The following MTAP variants were observed in gnomAD, a reference collection of about 807,000 sequenced individuals.
MTAP encodes the protein methylthioadenosine phosphorylase, also known as S-methyl-5'-thioadenosine phosphorylase.
MTAP carries 33 observed loss-of-function variants against 33.6 expected under a neutral mutation model. The ratio of observed to expected loss-of-function variants is 0.98; its 90% CI spans 0.74 to 1.31. The LOEUF is 1.31. MTAP is among the 40% of genes most tolerant of loss of function. The pLI is 0.00. For missense variants in MTAP, 367 were observed against 360.0 expected, an observed-to-expected ratio of 1.02 and a Z score of -0.16; for synonymous variants, 148 against 125.7, an observed-to-expected ratio of 1.18 and a Z score of -1.19.
At chr9:21,807,731 A>T (rs1010567699) in intron 1 of MTAP, among the ~76,000 whole-genome samples, 1 of 152,204 alleles carries the variant, frequency 6.6e-6, no homozygotes, top group African/African-American at 2.4e-5. Flanking sequence ...GCAGAGTAAA[A>T]GGAGGAAATA....
At chr9:21,810,268 C>A (rs762655645) in intron 1 of MTAP, among the ~76,000 whole-genome samples, 3 of 152,154 alleles carry the variant, frequency 2.0e-5, no homozygotes, top group Admixed American at 6.5e-5. Flanking sequence ...AGGGTCTTCC[C>A]TCTGTATGTG....
Position 21,803,088 on chromosome 9 carries a change from TAGAG to T in MTAP, c.33+314_33+317del, listed in dbSNP as rs567098705. 9.7e-5 allele frequency: 61 copies of T among 630,264 alleles called. No homozygotes were observed. The South Asian group carries it at 1.5e-3, about 16-fold the overall frequency. 39.0% of individuals were successfully genotyped at this position (630,264 alleles called of 1,614,324 possible). A position where few individuals can be genotyped will look rare whatever the true frequency, so the allele number is the denominator to read the frequency against. On this transcript the variant is annotated intron_variant, in intron 1 of 7. Transcript: ENST00000644715. ...ACCCTGTAGGGCGTAGGCACCCCTT[TAGAG>T]AGAGAGGTCGTGGATGGGAGAGGCT...
chr9:21,853,871 G>A (rs1825572854), intron 5 of MTAP, among the ~76,000 whole-genome samples: 1 of 152,082 alleles, frequency 6.6e-6, no homozygotes, highest in Non-Finnish European at 1.5e-5. Context: ...AAGTTGAAAA[G>A]ACTTTTTTTT....
intron 5 of MTAP, among the ~76,000 whole-genome samples, chr9:21,839,178 T>G (rs1397527283): frequency 2.6e-5 from 4 of 151,874 alleles, no homozygotes; most frequent in Non-Finnish European, 4.4e-5. Context: ...ACTTGGTTTT[T>G]TTTTTTTTTT....
intron 1 of MTAP, among the ~76,000 whole-genome samples, chr9:21,910,693 G>C (rs569339984): frequency 2.6e-5 from 4 of 152,160 alleles, no homozygotes; most frequent in Non-Finnish European, 4.4e-5. Context: ...TAATAGCAGT[G>C]ATATAATTCA....
rs540813749 is a variant in MTAP, at chr9:21,818,168, G to A, written c.313G>A (p.Gly105Ser). The A allele has an allele frequency of 5.0e-6, 8 of 1,613,886 alleles. No individual in the cohort carries two copies. The highest frequency in any genetic ancestry group is 1.1e-5 in the South Asian group (1 of 91,034). The change falls in exon 4 of 8, where the codon GGC becomes AGC. Residue 105 changes from glycine (G) to serine (S), a missense_variant. By Grantham distance (56) the Gly-to-Ser change is moderately conservative. Coordinates refer to ENST00000644715, the MANE Select transcript of MTAP (RefSeq NM_002451.4). ...CTCCTTGAGGGAGGAGATTCAGCCC[G>A]GCGATATTGTCATTATTGATCAGTT... Reference protein sequence around the residue: ...CGSLREEIQPGDIVIIDQFID... With the variant: ...CGSLREEIQPSDIVIIDQFID...
intron 4 of MTAP, 105 bp downstream of exon 4, chr9:21,818,307 G>A: frequency 2.6e-6 from 1 of 384,616 alleles, no homozygotes; most frequent in Non-Finnish European, 4.8e-6. Flanking sequence ...CAGTGCCACA[G>A]ACTCGCTTGC....
chr9:21,907,726 C>T (rs547701547), intron 1 of MTAP, among the ~76,000 whole-genome samples: 1 of 151,588 alleles, frequency 6.6e-6, no homozygotes, highest in African/African-American at 2.4e-5. Flanking sequence ...ATCTGAAAGA[C>T]ATATATAAGT....
intron 4 of MTAP, among the ~76,000 whole-genome samples, chr9:21,819,000 A>C (rs1219750104): frequency 6.6e-6 from 1 of 152,180 alleles, no homozygotes; most frequent in Non-Finnish European, 1.5e-5. Context: ...AGGTGAGATC[A>C]TGCAGTATTT....
chr9:21,834,989 CCATAGACTGGGTAGCTTCTAAG>C (rs772457584), intron 4 of MTAP, among the ~76,000 whole-genome samples: 2 of 152,094 alleles, frequency 1.3e-5, no homozygotes, highest in Non-Finnish European at 2.9e-5. Context: ...CAACGGAATA[CCATAGACTGGGTAGCTTCTAAG>C]CAACAGAAAT....
chr9:21,919,913 G>A (rs1392655559), intron 1 of MTAP, among the ~76,000 whole-genome samples: 1 of 152,086 alleles, frequency 6.6e-6, no homozygotes, highest in Non-Finnish European at 1.5e-5. Flanking sequence ...CACTCTTTGA[G>A]GCTGAAGCAA....
At chr9:21,935,765 A>G (rs1385971804), downstream of MTAP, 1 of 152,174 alleles carries the variant, frequency 6.6e-6, no homozygotes. Context: ...GTCTCATCCC[A>G]CATTGGAGGA....
At position 21,842,574 on chromosome 9, in the gene MTAP, C is replaced by G. The variant is rs2118377182; in HGVS notation, c.450+4564C>G. 6.6e-5 allele frequency among the ~76,000 whole-genome samples: 10 copies of G among 152,232 alleles called. 1 individual carries two copies. The South Asian group carries it at 2.1e-3, about 32-fold the overall frequency. On this transcript the variant is annotated intron_variant, in intron 5 of 7. Transcript: ENST00000644715. ...GACTTCTCAGCAGAAATCTTACAAG[C>G]CAGAAGCCAGAAGGGATTGGAGTCC...
At chr9:21,858,003 T>G (rs979450561) in intron 6 of MTAP, among the ~76,000 whole-genome samples, 2 of 152,208 alleles carry the variant, frequency 1.3e-5, no homozygotes, top group African/African-American at 4.8e-5. Context: ...AGGTAGCATT[T>G]TATTTTTTCA....
intron 1 of MTAP, among the ~76,000 whole-genome samples, chr9:21,886,442 C>A (rs903015514): frequency 3.9e-5 from 6 of 151,982 alleles, no homozygotes; most frequent in African/African-American, 1.4e-4. Flanking sequence ...CTGTGCGGAA[C>A]CTTTTTTATT....
intron 1 of MTAP, among the ~76,000 whole-genome samples, chr9:21,887,644 G>A (rs975613287): frequency 1.3e-5 from 2 of 152,178 alleles, no homozygotes; most frequent in African/African-American, 2.4e-5. Context: ...GGATGGCTGG[G>A]TCAAATGGTA....
At chr9:21,806,997 C>T (rs982012110) in intron 1 of MTAP, among the ~76,000 whole-genome samples, 1 of 152,034 alleles carries the variant, frequency 6.6e-6, no homozygotes, top group Non-Finnish European at 1.5e-5. Flanking sequence ...AACCCCATTT[C>T]TACAAAAAAT....
intron 4 of MTAP, among the ~76,000 whole-genome samples, chr9:21,835,576 G>A (rs1237656586): frequency 6.6e-6 from 1 of 152,142 alleles, no homozygotes; most frequent in Non-Finnish European, 1.5e-5. Flanking sequence ...CCCACTTTGT[G>A]GGGTGTGATC....
chr9:21,845,711 C>A (rs1238800626), intron 5 of MTAP, among the ~76,000 whole-genome samples: 2 of 151,898 alleles, frequency 1.3e-5, no homozygotes, highest in Non-Finnish European at 2.9e-5. Flanking sequence ...AAATTCAATG[C>A]AGTTTCCTTC....
Sources: gnomAD v4.1 joint callset for allele counts (sites outside exome capture counted in the v4.1 genomes callset) on GRCh38, gnomAD v4.1.1 for gene constraint, MANE v1.5 for transcripts, NCBI Gene and HGNC (gene_info 2026-07-23, HGNC 2026-07-21) for gene names.